Variants in KDM4A observed in about 807,000 individuals in gnomAD.
The protein encoded by KDM4A is lysine demethylase 4A, also known as lysine-specific demethylase 4A.
KDM4A carries 23 observed loss-of-function variants against 127.1 expected under a neutral mutation model. The ratio of observed to expected loss-of-function variants is 0.18; its 90% CI spans 0.13 to 0.26. The LOEUF (loss-of-function observed/expected upper bound fraction) is 0.26. Ranked by LOEUF, KDM4A falls within the 10% of genes least tolerant of loss-of-function variation. The probability of loss-of-function intolerance (pLI) is 1.00; values close to 1 mark genes in which losing one functional copy is unlikely to be tolerated. For synonymous variants in KDM4A, 443 were observed against 466.5 expected (o/e 0.95, Z 0.65); for missense variants, 890 against 1,329.1 (o/e 0.67, Z 5.14).
At chr1:43,703,815 T>G (rs1661472513) in intron 20 of KDM4A, 79 bp downstream of exon 20, 1 of 1,578,996 alleles carries the variant, frequency 6.3e-7, no homozygotes. Flanking sequence ...GAGGCGAGTC[T>G]TTGCTCTTAG....
chr1:43,663,203 G>T, intron 5 of KDM4A, 116 bp downstream of exon 5: 1 of 872,616 alleles, frequency 1.1e-6, no homozygotes, highest in Non-Finnish European at 1.8e-6. Flanking sequence ...TTCAGGCTTG[G>T]GGTGACATTC....
intron 4 of KDM4A, among the ~76,000 whole-genome samples, chr1:43,660,749 G>A (rs1040097364): frequency 6.6e-5 from 10 of 152,114 alleles, no homozygotes; most frequent in African/African-American, 2.4e-4. Flanking sequence ...GAAAAAAGAT[G>A]ACTGACTAAT....
intron 12 of KDM4A, among the ~76,000 whole-genome samples, chr1:43,687,619 G>A (rs1272816239): frequency 2.0e-5 from 3 of 152,152 alleles, no homozygotes; most frequent in Non-Finnish European, 2.9e-5. Flanking sequence ...AAACATTTTG[G>A]ACATCTACCA....
intron 11 of KDM4A, among the ~76,000 whole-genome samples, chr1:43,673,045 T>C (rs968574485): frequency 1.3e-5 from 2 of 152,158 alleles, no homozygotes; most frequent in Non-Finnish European, 2.9e-5. Flanking sequence ...CGAACATGTG[T>C]GTTCAGGCTT....
intron 2 of KDM4A, among the ~76,000 whole-genome samples, chr1:43,654,702 A>AGTGTGT (rs58710892): frequency 2.2e-4 from 29 of 131,914 alleles, no homozygotes; most frequent in African/African-American, 6.5e-4. Flanking sequence ...GATGCTTGTG[A>AGTGTGT]GTGTGTGTGT....
chr1:43,667,322 A>G (rs1660520625), intron 8 of KDM4A, among the ~76,000 whole-genome samples: 1 of 152,236 alleles, frequency 6.6e-6, no homozygotes, highest in Non-Finnish European at 1.5e-5. Context: ...TTAAAACCAC[A>G]TCCACACACG....
intron 3 of KDM4A, among the ~76,000 whole-genome samples, chr1:43,659,186 G>A (rs1660315490): frequency 6.6e-6 from 1 of 152,056 alleles, no homozygotes; most frequent in Admixed American, 6.6e-5. Flanking sequence ...CTGGCTACTC[G>A]GGAGGTTAGG....
chr1:43,676,358 G>A (rs1570843831), intron 11 of KDM4A, among the ~76,000 whole-genome samples: 1 of 152,128 alleles, frequency 6.6e-6, no homozygotes, highest in East Asian at 1.9e-4. Flanking sequence ...GTCTTGCTCT[G>A]TCGCCCAGGC....
At chr1:43,665,624 A>G in intron 5 of KDM4A, 72 bp from the exon 6 acceptor site, 1 of 1,412,490 alleles carries the variant, frequency 7.1e-7, no homozygotes, top group Admixed American at 1.8e-5. Flanking sequence ...AGGTGTTTTG[A>G]GAGTGGGAAT....
At chr1:43,659,583 G>A (rs1208511431) in intron 3 of KDM4A, among the ~76,000 whole-genome samples, 5 of 152,188 alleles carry the variant, frequency 3.3e-5, no homozygotes. Flanking sequence ...GCCTCCCAAA[G>A]TGCTGGGATA....
chr1:43,686,151 GT>G (rs35512755), intron 12 of KDM4A, among the ~76,000 whole-genome samples: 21,916 of 97,278 alleles, frequency 0.23, 627 homozygotes, highest in South Asian at 0.32. Flanking sequence ...TTTGTTTCTT[GT>G]TTTTTTTTTT....
chr1:43,679,598 C>G (rs531572989), intron 11 of KDM4A, among the ~76,000 whole-genome samples: 79 of 152,092 alleles, frequency 5.2e-4, no homozygotes, highest in Admixed American at 2.7e-3. Flanking sequence ...TGTCAAGGGC[C>G]TTTTTTAGGT....
chr1:43,666,552 C>T lies in KDM4A; in HGVS notation c.774C>T (p.Asp258=), dbSNP rs1660505284. ...TGAAGAAATATGGAATTCCCTTTGA[C>T]AAGGTGAGCTGATGTTACATGCCAA... is the stretch of plus-strand genomic sequence containing the variant. ...LMLKKYGIPF[D]KVTQEAGEFM... Residue 258 remains aspartate, a synonymous_variant, in exon 7 of 22, where the codon GAC becomes GAT. Transcript: ENST00000372396. 3 of 1,613,000 alleles carry T rather than the reference C, an allele frequency of 1.9e-6. No individual in the cohort carries two copies. The highest frequency in any genetic ancestry group is 1.7e-6 in the Non-Finnish European group (2 of 1,179,088).
intron 5 of KDM4A, among the ~76,000 whole-genome samples, chr1:43,665,269 G>A (rs920036568): frequency 1.3e-5 from 2 of 152,002 alleles, no homozygotes; most frequent in African/African-American, 4.8e-5. Flanking sequence ...CTTTCACTTT[G>A]TTTTCCATCT....
At position 43,667,988 on chromosome 1, in the gene KDM4A, G is replaced by C; in HGVS notation, c.1132G>C (p.Glu378Gln). 1 of 1,614,146 alleles carries C rather than the reference G, an allele frequency of 6.2e-7. No individual in the cohort carries two copies. Among genetic ancestry groups the C allele is most frequent in the Non-Finnish European group, 8.5e-7 (1 of 1,180,014 alleles). The change falls in exon 9 of 22, where the codon GAG (glutamate) becomes CAG (glutamine). Residue 378 changes from glutamate to glutamine, a missense_variant. Glu to Gln is a conservative substitution (Grantham distance 29). Coordinates refer to ENST00000372396, the MANE Select transcript of KDM4A (RefSeq NM_014663.3). ...ECPEEDMEGV[E>Q]DGEEGDLKTS... Reference sequence around the variant, plus strand: ...CCCAGAGGAGGACATGGAAGGGGTGGAGGATGGAGAGGAAGGAGACCTGAA... The same window carrying C: ...CCCAGAGGAGGACATGGAAGGGGTGCAGGATGGAGAGGAAGGAGACCTGAA...
chr1:43,663,606 C>T (rs1466854638), intron 5 of KDM4A, among the ~76,000 whole-genome samples: 2 of 150,810 alleles, frequency 1.3e-5, no homozygotes, highest in Admixed American at 6.6e-5. Context: ...TGTGCTGACC[C>T]ATCTTTGAGT....
chr1:43,670,543 C>T (rs1373298409), intron 10 of KDM4A, among the ~76,000 whole-genome samples: 1 of 150,446 alleles, frequency 6.6e-6, no homozygotes, highest in African/African-American at 2.4e-5. Flanking sequence ...CAGGCATACA[C>T]CACGCCTGGC....
At chr1:43,683,598 C>A in intron 11 of KDM4A, 86 bp from the exon 12 acceptor site, 1 of 1,480,512 alleles carries the variant, frequency 6.8e-7, no homozygotes, top group Non-Finnish European at 9.1e-7. Context: ...GTGCCCCTCT[C>A]TTTCCTTTGG....
chr1:43,676,907 A>C (rs1660753248), intron 11 of KDM4A, among the ~76,000 whole-genome samples: 1 of 152,126 alleles, frequency 6.6e-6, no homozygotes, highest in South Asian at 2.1e-4. Context: ...TAGTCACCCT[A>C]CTGATTTGTC....
Sources: gnomAD v4.1 joint callset for allele counts (sites outside exome capture counted in the v4.1 genomes callset) on GRCh38, gnomAD v4.1.1 for gene constraint, MANE v1.5 for transcripts, NCBI Gene and HGNC (gene_info 2026-07-23, HGNC 2026-07-21) for gene names.